Variants in PPM1L observed in about 807,000 individuals in gnomAD.
The protein encoded by PPM1L is protein phosphatase 1L.
PPM1L carries 13 observed loss-of-function variants against 31.4 expected under a neutral mutation model. That is an observed-to-expected ratio of 0.41 (90% confidence interval 0.27 to 0.66). PPM1L has a LOEUF of 0.66. PPM1L is among the 30% of genes least tolerant of loss of function. The pLI is 0.29. For missense variants in PPM1L, 326 were observed against 453.7 expected, an observed-to-expected ratio of 0.72 and a Z score of 2.56; for synonymous variants, 184 against 175.4, an observed-to-expected ratio of 1.05 and a Z score of -0.39.
At chr3:160,862,717 C>A (rs1436972045) in intron 1 of PPM1L, among the ~76,000 whole-genome samples, 2 of 141,834 alleles carry the variant, frequency 1.4e-5, no homozygotes, top group Non-Finnish European at 3.1e-5. Context: ...ATTCTGAAAC[C>A]CTAATACTGT....
intron 1 of PPM1L, among the ~76,000 whole-genome samples, chr3:160,799,524 AC>A (rs1712360887): frequency 6.6e-6 from 1 of 152,244 alleles, no homozygotes; most frequent in African/African-American, 2.4e-5. Flanking sequence ...CACTTAATAG[AC>A]TACAATATAG....
intron 2 of PPM1L, among the ~76,000 whole-genome samples, chr3:161,003,894 G>A (rs1266716164): frequency 1.3e-5 from 2 of 150,706 alleles, no homozygotes; most frequent in Admixed American, 1.3e-4. Flanking sequence ...GGAGTGGTGA[G>A]AGAGGGCATC....
chr3:160,881,059 G>A (rs1285076515), intron 1 of PPM1L, among the ~76,000 whole-genome samples: 1 of 152,192 alleles, frequency 6.6e-6, no homozygotes, highest in Non-Finnish European at 1.5e-5. Context: ...AGAACAGCTT[G>A]TGACTTTTCC....
At chr3:160,788,106 T>G (rs1277630727) in intron 1 of PPM1L, among the ~76,000 whole-genome samples, 1 of 152,184 alleles carries the variant, frequency 6.6e-6, no homozygotes, top group African/African-American at 2.4e-5. Context: ...GGGCTCTTTT[T>G]TTTGGTTCCA....
At chr3:161,056,377 C>T (rs1440606079) in intron 2 of PPM1L, among the ~76,000 whole-genome samples, 5 of 152,150 alleles carry the variant, frequency 3.3e-5, no homozygotes, top group African/African-American at 7.2e-5. Flanking sequence ...CTCTCTGTAA[C>T]GGGATTGTAA....
At chr3:161,056,790 G>T (rs554364337) in intron 2 of PPM1L, among the ~76,000 whole-genome samples, 1 of 152,236 alleles carries the variant, frequency 6.6e-6, no homozygotes, top group African/African-American at 2.4e-5. Flanking sequence ...GGGCCGGCAC[G>T]TTGGCTCACC....
chr3:160,821,709 A>T (rs2108091253), intron 1 of PPM1L, among the ~76,000 whole-genome samples: 1 of 152,150 alleles, frequency 6.6e-6, no homozygotes, highest in Admixed American at 6.6e-5. Context: ...TCCACCTGCT[A>T]GAATTTTGTT....
At chr3:161,022,008 C>T in intron 2 of PPM1L, 1 of 449,238 alleles carries the variant, frequency 2.2e-6, no homozygotes, top group Non-Finnish European at 3.9e-6. Context: ...AGGTAATTAC[C>T]TACAAGTTAA....
intron 1 of PPM1L, among the ~76,000 whole-genome samples, chr3:160,818,164 C>T (rs1389776456): frequency 2.0e-5 from 3 of 151,960 alleles, no homozygotes; most frequent in Non-Finnish European, 4.4e-5. Context: ...GTGAGCTAAG[C>T]ACAATGGCTT....
chr3:160,794,270 A>G (rs1426714215), intron 1 of PPM1L, among the ~76,000 whole-genome samples: 3 of 152,076 alleles, frequency 2.0e-5, no homozygotes, highest in Admixed American at 2.0e-4. Context: ...TTACTTGTCG[A>G]CCTACTTAAA....
chr3:160,856,511 A>G (rs1307462572), intron 1 of PPM1L, among the ~76,000 whole-genome samples: 26 of 152,214 alleles, frequency 1.7e-4, no homozygotes. Flanking sequence ...TTGTAGCAGC[A>G]TGGATGGTGC....
At chr3:160,918,647 A>C (rs1354291466) in intron 1 of PPM1L, among the ~76,000 whole-genome samples, 1 of 152,240 alleles carries the variant, frequency 6.6e-6, no homozygotes, top group Non-Finnish European at 1.5e-5. Context: ...GCAAAATGAA[A>C]AATTGAATAT....
intron 1 of PPM1L, among the ~76,000 whole-genome samples, chr3:160,829,970 T>C (rs1713475707): frequency 6.6e-6 from 1 of 152,196 alleles, no homozygotes; most frequent in African/African-American, 2.4e-5. Context: ...CAGCTGCGTC[T>C]CAGCCATGGG....
intron 1 of PPM1L, among the ~76,000 whole-genome samples, chr3:160,846,789 T>G (rs1209372673): frequency 6.6e-6 from 1 of 152,192 alleles, no homozygotes; most frequent in Non-Finnish European, 1.5e-5. Context: ...GTGCTTCTTT[T>G]TAATATGTTC....
intron 2 of PPM1L, among the ~76,000 whole-genome samples, chr3:161,007,975 G>T (rs1413109663): frequency 6.6e-6 from 1 of 152,086 alleles, no homozygotes; most frequent in Non-Finnish European, 1.5e-5. Context: ...CAACATGAAG[G>T]CCTCAGAAGC....
At position 160,815,150 on chromosome 3, in the gene PPM1L, A is replaced by G. The variant is rs552470300; in HGVS notation, c.399+58443A>G. ...ATGAAATACCACCTGTTCCCCAAAA[A>G]CTATTGAAATTAAAAAAGAGAGAGA... On this transcript the variant is annotated intron_variant, in intron 1 of 3. Coordinates refer to ENST00000498165, the MANE Select transcript of PPM1L (RefSeq NM_139245.4). 6.6e-5 allele frequency among the ~76,000 whole-genome samples: 10 copies of G among 152,188 alleles called. No homozygotes were observed. The East Asian group carries it at 1.9e-3, about 29-fold the overall frequency.
intron 1 of PPM1L, among the ~76,000 whole-genome samples, chr3:160,758,844 C>T (rs1367867652): frequency 1.3e-5 from 2 of 152,012 alleles, no homozygotes; most frequent in Non-Finnish European, 2.9e-5. Context: ...TTTCTTTGTG[C>T]CTTACATTAA....
chr3:160,762,274 T>C (rs981732186), intron 1 of PPM1L, among the ~76,000 whole-genome samples: 7 of 152,302 alleles, frequency 4.6e-5, no homozygotes, highest in East Asian at 1.9e-4. Flanking sequence ...ATTATTTTGG[T>C]TTAAAATGGC....
At chr3:160,888,924 A>G (rs1190776552) in intron 1 of PPM1L, among the ~76,000 whole-genome samples, 1 of 152,184 alleles carries the variant, frequency 6.6e-6, no homozygotes, top group Non-Finnish European at 1.5e-5. Flanking sequence ...AATGAAGAAG[A>G]AATAAAGGAA....
Sources: gnomAD v4.1 joint callset for allele counts (sites outside exome capture counted in the v4.1 genomes callset) on GRCh38, gnomAD v4.1.1 for gene constraint, MANE v1.5 for transcripts, NCBI Gene and HGNC (gene_info 2026-07-23, HGNC 2026-07-21) for gene names.